The following NF2 variants were observed in gnomAD, a reference collection of about 807,000 sequenced individuals.
NF2 encodes NF2, moesin-ezrin-radixin like (MERLIN) tumor suppressor.
NF2 carries 8 observed loss-of-function variants against 83.7 expected under a neutral mutation model. The observed-to-expected ratio is 0.10, with a 90% CI of 0.06 to 0.17. The LOEUF (loss-of-function observed/expected upper bound fraction) is 0.17, where lower values mean the gene tolerates loss of function less well. Ranked by LOEUF, NF2 falls within the 10% of genes least tolerant of loss-of-function variation. The pLI, the probability that NF2 is intolerant of heterozygous loss-of-function variation, is 1.00. For missense variants in NF2, 533 were observed against 744.4 expected, an observed-to-expected ratio of 0.72 and a Z score of 3.31; for synonymous variants, 266 against 269.6, an observed-to-expected ratio of 0.99 and a Z score of 0.13.
chr22:29,608,076 G>A (rs1327802925), intron 1 of NF2, among the ~76,000 whole-genome samples: 2 of 147,538 alleles, frequency 1.4e-5, no homozygotes, highest in African/African-American at 5.0e-5. Context: ...GGGAGGCTGA[G>A]GCAGGAGAAT....
At chr22:29,688,845 A>G (rs1310739109) in intron 15 of NF2, among the ~76,000 whole-genome samples, 1 of 152,240 alleles carries the variant, frequency 6.6e-6, no homozygotes, top group Non-Finnish European at 1.5e-5. Context: ...GCACATCACC[A>G]TATGGCATTT....
At chr22:29,692,194 C>T (rs1476757) in intron 15 of NF2, among the ~76,000 whole-genome samples, 46,208 of 152,122 alleles carry the variant, frequency 0.3, 7,387 homozygotes, top group Non-Finnish European at 0.36. Flanking sequence ...GGTCTGCCTT[C>T]CCCTCTGACC....
At chr22:29,612,771 CCT>C (rs1359391868) in intron 1 of NF2, among the ~76,000 whole-genome samples, 2 of 152,004 alleles carry the variant, frequency 1.3e-5, no homozygotes, top group Non-Finnish European at 2.9e-5. Context: ...TGACATAATC[CCT>C]GTCAGAATCC....
At chr22:29,683,875 G>C in intron 15 of NF2, 1 of 1,051,428 alleles carries the variant, frequency 9.5e-7, no homozygotes, top group Non-Finnish European at 1.1e-6. Flanking sequence ...GCAGTGGAGA[G>C]AATGTATTTT....
chr22:29,654,575 G>C, intron 4 of NF2, 82 bp from the exon 5 acceptor site: 1 of 1,144,434 alleles, frequency 8.7e-7, no homozygotes, highest in East Asian at 2.3e-5. Flanking sequence ...AGCTGGGAGG[G>C]AATGAGATTG....
At chr22:29,618,048 A>G (rs2065122853) in intron 1 of NF2, among the ~76,000 whole-genome samples, 1 of 152,220 alleles carries the variant, frequency 6.6e-6, no homozygotes, top group Non-Finnish European at 1.5e-5. Context: ...TAATTGGCCT[A>G]AAGTAGGAGG....
Position 29,655,345 on chromosome 22 carries a change from G to C in NF2, c.517-249G>C, listed in dbSNP as rs141330612. On this transcript the variant is annotated intron_variant, in intron 5 of 15. Coordinates refer to ENST00000338641, the MANE Select transcript of NF2 (RefSeq NM_000268.4). The stretch of plus-strand genomic sequence containing the variant: ...GTGGTCTCTGTGATGTATCGCCCAG[G>C]CAGGGACAGGGGCACTGCCAGATGA... 4.0e-3 allele frequency among the ~76,000 whole-genome samples: 613 copies of C among 152,298 alleles called. 3 individuals are homozygous for C. Among genetic ancestry groups the C allele is most frequent in the African/African-American group, 0.014 (580 of 41,548 alleles).
At chr22:29,604,724 A>G (rs1245098770) in intron 1 of NF2, among the ~76,000 whole-genome samples, 1 of 152,178 alleles carries the variant, frequency 6.6e-6, no homozygotes, top group Admixed American at 6.5e-5. Flanking sequence ...CTGCTTCTCA[A>G]GTAATTTAAG....
At chr22:29,638,323 G>A (rs1011228224) in intron 2 of NF2, among the ~76,000 whole-genome samples, 3 of 150,666 alleles carry the variant, frequency 2.0e-5, no homozygotes, top group African/African-American at 7.3e-5. Flanking sequence ...ACTTCATAAT[G>A]ATCTAGTTCA....
At chr22:29,627,713 T>C (rs933530827) in intron 1 of NF2, among the ~76,000 whole-genome samples, 8 of 152,204 alleles carry the variant, frequency 5.3e-5, no homozygotes, top group Middle Eastern at 3.4e-3. Context: ...GGCCTTTTTT[T>C]CCCCTAAAAA....
intron 4 of NF2, among the ~76,000 whole-genome samples, chr22:29,644,366 G>C (rs1156794682): frequency 6.6e-6 from 1 of 151,550 alleles, no homozygotes; most frequent in Non-Finnish European, 1.5e-5. Flanking sequence ...ATGTGATGGC[G>C]GCCGGGAAGA....
At chr22:29,619,334 T>C (rs1161178885) in intron 1 of NF2, among the ~76,000 whole-genome samples, 1 of 150,312 alleles carries the variant, frequency 6.7e-6, no homozygotes, top group Non-Finnish European at 1.5e-5. Context: ...CACGAGCCAC[T>C]ACGCCTGGCC....
intron 15 of NF2, among the ~76,000 whole-genome samples, chr22:29,686,059 T>C (rs180783449): frequency 8.2e-4 from 125 of 152,302 alleles, no homozygotes; most frequent in Middle Eastern, 3.4e-3. Context: ...GAATTCTTAC[T>C]CTCTCTTGAG....
rs917006634 is a variant in NF2 at position 29,636,280 on chromosome 22, T to TA, written c.115-462dup. On this transcript the variant is annotated intron_variant, in intron 1 of 15. Coordinates refer to ENST00000338641, the MANE Select transcript of NF2 (RefSeq NM_000268.4). This position sits in a 1 kb window ranked among gnomAD's most constrained non-coding sequence, Gnocchi z 4.4. ...GACTTTGATTATGATTTCTTTATAT[T>TA]AAAAAAAAACTTGTAGTAAAACCAG... Among the ~76,000 whole-genome samples, 14 of 151,348 alleles carry TA rather than the reference T, an allele frequency of 9.3e-5. No homozygotes were observed. The highest frequency in any genetic ancestry group is 6.3e-4 in the South Asian group (3 of 4,780).
intron 14 of NF2, among the ~76,000 whole-genome samples, chr22:29,680,255 G>A (rs1317045324): frequency 6.6e-6 from 1 of 152,076 alleles, no homozygotes; most frequent in East Asian, 1.9e-4. Context: ...GGGATTACAG[G>A]CGCATGCTAT....
chr22:29,668,483 T>G, intron 10 of NF2, 37 bp downstream of exon 10: 1 of 1,530,068 alleles, frequency 6.5e-7, no homozygotes, highest in Non-Finnish European at 9.0e-7. Flanking sequence ...GATGTCACTG[T>G]GTGGTCAGTC....
intron 6 of NF2, among the ~76,000 whole-genome samples, chr22:29,657,199 A>G (rs1173792233): frequency 6.6e-6 from 1 of 152,010 alleles, no homozygotes; most frequent in Non-Finnish European, 1.5e-5. Context: ...TTAATTCCAG[A>G]TTGGCGTTGC....
intron 15 of NF2, 104 bp downstream of exon 15, chr22:29,681,705 C>A (rs1362455507): frequency 7.0e-7 from 1 of 1,419,290 alleles, no homozygotes; most frequent in South Asian, 1.2e-5. Flanking sequence ...AGACTATTGG[C>A]ATCTTTTGTA....
rs779561094 is a variant in NF2 at position 29,672,309 on chromosome 22, C to CTT, written c.1122+380_1122+381dup. The stretch of plus-strand genomic sequence containing the variant: ...CATCTTCAGACATTGCCACATGTCT[C>CTT]TTTTTTTTTTTTTTTTTTTTGAGAC... On this transcript the variant is annotated intron_variant, in intron 11 of 15. Transcript: ENST00000338641. Among the ~76,000 whole-genome samples, 629 of 123,532 alleles carry CTT rather than the reference C, an allele frequency of 5.1e-3. 10 individuals carry two copies. The highest frequency in any genetic ancestry group is 7.0e-3 in the Non-Finnish European group (414 of 59,438). 81.0% of individuals were successfully genotyped at this position (123,532 alleles called of 152,430 possible). A position where few individuals can be genotyped will look rare whatever the true frequency, so the allele number is the denominator to read the frequency against.
Sources: gnomAD v4.1 joint callset for allele counts (sites outside exome capture counted in the v4.1 genomes callset) on GRCh38, gnomAD v4.1.1 for gene constraint, Gnocchi (gnomAD v3.1) non-coding constraint, MANE v1.5 for transcripts, NCBI Gene and HGNC (gene_info 2026-07-23, HGNC 2026-07-21) for gene names.